The following LRRC37A2 variants were observed in gnomAD, a reference collection of about 807,000 sequenced individuals.
LRRC37A2 encodes leucine rich repeat containing 37 member A2.
In LRRC37A2, 9 loss-of-function variants were observed where a neutral mutation model predicts 68.8. The ratio of observed to expected loss-of-function variants is 0.13; its 90% CI spans 0.08 to 0.23. The LOEUF is 0.23. Among genes scored for constraint, LRRC37A2 ranks in the 10% least tolerant of loss-of-function variants. The pLI is 1.00. For synonymous variants in LRRC37A2, 63 were observed against 367.6 expected (o/e 0.17, Z 9.48); for missense variants, 168 against 950.4 (o/e 0.18, Z 10.82).
At chr17:46,836,095 C>CACGTGTGTGTGTGT in the LRRC37A2 span, among the ~76,000 whole-genome samples, 1 of 126,502 alleles carries the variant, frequency 7.9e-6, no homozygotes, top group East Asian at 2.7e-4. Context: ...GAGACGCTGA[C>CACGTGTGTGTGTGT]GTGTGTGTGT....
the LRRC37A2 span, among the ~76,000 whole-genome samples, chr17:46,879,563 C>T: frequency 2.6e-5 from 4 of 152,230 alleles, no homozygotes; most frequent in African/African-American, 4.8e-5. Context: ...TTGATTTCTC[C>T]GTTATCTCTG....
chr17:46,742,949 C>A, the LRRC37A2 span, among the ~76,000 whole-genome samples: 1 of 152,016 alleles, frequency 6.6e-6, no homozygotes, highest in Non-Finnish European at 1.5e-5. Flanking sequence ...AGTGATAGAC[C>A]AAAGGACCTC....
At chr17:46,708,143 G>A in the LRRC37A2 span, among the ~76,000 whole-genome samples, 2 of 151,838 alleles carry the variant, frequency 1.3e-5, no homozygotes, top group Non-Finnish European at 2.9e-5. Flanking sequence ...GAGTAATGCT[G>A]TCATTAGCAT....
At chr17:46,944,276 C>T in the LRRC37A2 span, among the ~76,000 whole-genome samples, 1 of 152,256 alleles carries the variant, frequency 6.6e-6, no homozygotes, top group Non-Finnish European at 1.5e-5. Context: ...GTTACAGCGG[C>T]CGGAGGCTGT....
chr17:46,720,543 C>T, the LRRC37A2 span, among the ~76,000 whole-genome samples: 1 of 152,148 alleles, frequency 6.6e-6, no homozygotes, highest in Non-Finnish European at 1.5e-5. Flanking sequence ...TAGCAGACAG[C>T]TAATGTTTGC....
the LRRC37A2 span, chr17:46,938,834 G>C: frequency 6.2e-7 from 1 of 1,606,068 alleles, no homozygotes; most frequent in Non-Finnish European, 8.5e-7. Context: ...AGAGAGGGGG[G>C]CCCAGAGGCC....
chr17:46,814,679 C>A, the LRRC37A2 span, among the ~76,000 whole-genome samples: 2 of 152,224 alleles, frequency 1.3e-5, no homozygotes, highest in Non-Finnish European at 2.9e-5. Context: ...GTAATTCCTG[C>A]CTGTTACAAG....
At chr17:46,928,871 C>T in the LRRC37A2 span, among the ~76,000 whole-genome samples, 2 of 152,178 alleles carry the variant, frequency 1.3e-5, no homozygotes, top group Non-Finnish European at 2.9e-5. Flanking sequence ...ATGCTCAGAA[C>T]TCTTTCCATC....
chr17:46,823,194 ATAT>A, the LRRC37A2 span, among the ~76,000 whole-genome samples: 2 of 127,956 alleles, frequency 1.6e-5, no homozygotes, highest in African/African-American at 6.5e-5. Context: ...TATATTATAT[ATAT>A]TTATATATAA....
At chr17:46,598,835 A>C in the LRRC37A2 span, among the ~76,000 whole-genome samples, 2 of 149,944 alleles carry the variant, frequency 1.3e-5, no homozygotes, top group Non-Finnish European at 3.0e-5. Context: ...ACTACAAATC[A>C]AAACAAATAC....
the LRRC37A2 span, among the ~76,000 whole-genome samples, chr17:46,788,756 A>G: frequency 4.7e-5 from 7 of 150,364 alleles, no homozygotes; most frequent in Non-Finnish European, 7.4e-5. Flanking sequence ...CCTCCCTGCG[A>G]GGACCTCCCT....
chr17:46,755,895 T>A, the LRRC37A2 span: 2 of 1,473,524 alleles, frequency 1.4e-6, no homozygotes, highest in Middle Eastern at 1.7e-4. Context: ...ATCTTCACTG[T>A]CTTACTCAAG....
chr17:46,741,955 C>CA, the LRRC37A2 span, among the ~76,000 whole-genome samples: 1 of 152,128 alleles, frequency 6.6e-6, no homozygotes, highest in Non-Finnish European at 1.5e-5. Flanking sequence ...AGCATTTCAC[C>CA]GTGTTGGTCA....
chr17:46,863,586 A>G, the LRRC37A2 span, among the ~76,000 whole-genome samples: 1 of 152,178 alleles, frequency 6.6e-6, no homozygotes, highest in Non-Finnish European at 1.5e-5. Context: ...GAGGAGGCAA[A>G]CAAACATCAC....
chr17:47,003,924 T>C, the LRRC37A2 span, among the ~76,000 whole-genome samples: 1 of 152,282 alleles, frequency 6.6e-6, no homozygotes, highest in South Asian at 2.1e-4. Flanking sequence ...CCTGTGTCCA[T>C]GTGTTCTCGT....
At chr17:46,773,828 C>T in the LRRC37A2 span, 3 of 1,613,420 alleles carry the variant, frequency 1.9e-6, no homozygotes, top group East Asian at 2.2e-5. Context: ...AGCGCAGTTG[C>T]TTGGGGACCA....
rs3106341 is a variant in LRRC37A2 at position 46,533,374 on chromosome 17, T to C, written c.2907-6802T>C. ...TTGTTTCAATGGTATACAAAAACTT[T>C]GCTTCTCTAAAGCTCCACTCTCACC... On this transcript the variant is annotated intron_variant, in intron 6 of 14. Coordinates refer to ENST00000576629, the Ensembl canonical transcript of LRRC37A2. Among the ~76,000 whole-genome samples the C allele has an allele frequency of 2.9e-3, 291 of 99,036 alleles. 1 individual carries two copies. The highest frequency in any genetic ancestry group is 4.0e-3 in the Non-Finnish European group (219 of 54,814). 65.0% of individuals were successfully genotyped at this position (99,036 alleles called of 152,430 possible).
the LRRC37A2 span, among the ~76,000 whole-genome samples, chr17:46,946,811 C>T: frequency 3.3e-5 from 5 of 152,156 alleles, no homozygotes; most frequent in African/African-American, 7.2e-5. Flanking sequence ...TGCAGTGAGC[C>T]GACATTGTGC....
chr17:46,967,814 G>T, the LRRC37A2 span, among the ~76,000 whole-genome samples: 4 of 152,232 alleles, frequency 2.6e-5, no homozygotes, highest in African/African-American at 9.6e-5. Context: ...GGCAGTGAAG[G>T]AAAGATAAAG....
Sources: allele counts gnomAD v4.1 joint callset (sites outside exome capture counted in the v4.1 genomes callset), GRCh38; gene constraint gnomAD v4.1.1; transcripts MANE v1.5; gene names NCBI Gene and HGNC (gene_info 2026-07-23, HGNC 2026-07-21).